KCNQ5: variants seen among roughly 807,000 people sequenced by gnomAD.
KCNQ5 encodes the protein potassium voltage-gated channel subfamily Q member 5.
A neutral mutation model predicts 98.2 loss-of-function variants in KCNQ5; 30 were observed. The ratio of observed to expected loss-of-function variants is 0.31; its 90% confidence interval spans 0.23 to 0.41. The LOEUF is 0.41. KCNQ5 is among the 10% of genes least tolerant of loss of function. The pLI is 1.00. For missense variants in KCNQ5, 835 were observed against 1,182.5 expected (o/e 0.71, Z 4.31); for synonymous variants, 458 against 449.4 (o/e 1.02, Z -0.24).
chr6:72,827,432 A>G (rs1284410560), intron 1 of KCNQ5, among the ~76,000 whole-genome samples: 1 of 152,090 alleles, frequency 6.6e-6, no homozygotes. Flanking sequence ...TAACTGGGGT[A>G]AGAAGATACC....
chr6:73,013,113 AAG>A (rs1380706455), intron 2 of KCNQ5, among the ~76,000 whole-genome samples: 2 of 152,120 alleles, frequency 1.3e-5, no homozygotes, highest in African/African-American at 2.4e-5. Flanking sequence ...GTATCTGTGT[AAG>A]AGTTTTCTCA....
chr6:73,164,683 TGAAA>T (rs1440743334), intron 10 of KCNQ5, among the ~76,000 whole-genome samples: 1 of 152,232 alleles, frequency 6.6e-6, no homozygotes, highest in African/African-American at 2.4e-5. Context: ...AAACATCTGC[TGAAA>T]GAAAGTTTTC....
At chr6:72,658,720 A>G (rs1240597539) in intron 1 of KCNQ5, among the ~76,000 whole-genome samples, 2 of 151,202 alleles carry the variant, frequency 1.3e-5, no homozygotes, top group Admixed American at 6.6e-5. Flanking sequence ...AGCTGGGATT[A>G]TAGGCATGTG....
chr6:72,798,335 C>T (rs1774451350), intron 1 of KCNQ5, among the ~76,000 whole-genome samples: 1 of 152,146 alleles, frequency 6.6e-6, no homozygotes, highest in African/African-American at 2.4e-5. Context: ...ATCCCCAACG[C>T]AACAATGTTG....
intron 1 of KCNQ5, among the ~76,000 whole-genome samples, chr6:72,939,076 T>G (rs950095892): frequency 1.3e-5 from 2 of 152,212 alleles, no homozygotes; most frequent in African/African-American, 4.8e-5. Flanking sequence ...GGCCTTGACA[T>G]GCCTTGTCTG....
At chr6:72,970,468 A>G (rs1396887281) in intron 1 of KCNQ5, among the ~76,000 whole-genome samples, 1 of 152,190 alleles carries the variant, frequency 6.6e-6, no homozygotes, top group East Asian at 1.9e-4. Flanking sequence ...GTAAATAGAA[A>G]AGTGCAATAG....
chr6:72,668,294 A>T (rs1428340914), intron 1 of KCNQ5, among the ~76,000 whole-genome samples: 1 of 152,238 alleles, frequency 6.6e-6, no homozygotes. Flanking sequence ...TTGACTAAAC[A>T]TAATTACTGA....
intron 11 of KCNQ5, among the ~76,000 whole-genome samples, chr6:73,186,674 A>G (rs1243907791): frequency 6.6e-6 from 1 of 152,234 alleles, no homozygotes; most frequent in Non-Finnish European, 1.5e-5. Flanking sequence ...AACATACAGT[A>G]AAATAATTAG....
intron 1 of KCNQ5, among the ~76,000 whole-genome samples, chr6:72,962,236 TACAC>T (rs1355190667): frequency 9.0e-5 from 13 of 143,792 alleles, no homozygotes; most frequent in Non-Finnish European, 1.5e-4. Flanking sequence ...TATATATATA[TACAC>T]ATATATATAT....
At position 73,042,022 on chromosome 6, in the gene KCNQ5, A is replaced by G. The variant is rs2150357635; in HGVS notation, c.576A>G (p.Gln192=). The G allele has an allele frequency of 6.2e-7, 1 of 1,613,970 alleles. No homozygotes were observed. Among genetic ancestry groups the G allele is most frequent in the Non-Finnish European group, 8.5e-7 (1 of 1,179,824 alleles). ...AGCCCRYRGW[Q]GRLRFARKPF... ...GCTGTTGTCGATATAGAGGATGGCA[A>G]GGAAGACTGAGGTTTGCTCGAAAGC... is the stretch of plus-strand genomic sequence containing the variant. The change falls in exon 3 of 14, where the codon CAA becomes CAG. Residue 192 remains glutamine (Q), a synonymous_variant. Transcript: ENST00000370398.
At position 72,878,218 on chromosome 6, in the gene KCNQ5, C is replaced by T. The variant is rs538381669; in HGVS notation, c.399-125690C>T. On this transcript the variant is annotated intron_variant, in intron 1 of 13. Coordinates refer to ENST00000370398, the MANE Select transcript of KCNQ5 (RefSeq NM_019842.4). ...CTGGGAGGCAGAGGTTGCAGTGAGC[C>T]GAGATTGCGCCACTGCACTCCAGCC... Among the ~76,000 whole-genome samples the T allele has an allele frequency of 9.2e-4, 140 of 152,194 alleles. 1 individual carries two copies. Among genetic ancestry groups the T allele is most frequent in the Non-Finnish European group, 7.9e-4 (54 of 67,992 alleles).
At chr6:73,143,053 A>G (rs915980533) in intron 10 of KCNQ5, among the ~76,000 whole-genome samples, 1 of 152,180 alleles carries the variant, frequency 6.6e-6, no homozygotes, top group African/African-American at 2.4e-5. Flanking sequence ...GAGGTTGAAG[A>G]TATGTTCTTG....
intron 1 of KCNQ5, among the ~76,000 whole-genome samples, chr6:72,636,722 G>T (rs573335975): frequency 3.3e-5 from 5 of 152,224 alleles, no homozygotes; most frequent in Admixed American, 3.3e-4. Flanking sequence ...AGGAACTATA[G>T]GGCTTAACAT....
In KCNQ5 at chr6:72,622,456, G is replaced by A. The variant is rs1451065064; in HGVS notation, c.267G>A (p.Leu89=). The change falls in exon 1 of 14, where the codon CTG becomes CTA. Residue 89 remains leucine (L), a synonymous_variant. Coordinates refer to ENST00000370398, the MANE Select transcript of KCNQ5 (RefSeq NM_019842.4). The surrounding 1 kb of genome is among the most constrained non-coding windows in gnomAD (Gnocchi z 6.0). ...GCAAGCAGGGGGCCCGGATGAGCCT[G>A]CTGGGGAAGCCGCTCTCTTACACGA... is the stretch of plus-strand genomic sequence containing the variant. ...RRGKQGARMS[L]LGKPLSYTSS... The A allele has an allele frequency of 6.3e-7, 1 of 1,592,886 alleles. No individual in the cohort carries two copies. Among genetic ancestry groups the A allele is most frequent in the Admixed American group, 1.7e-5 (1 of 57,644 alleles).
intron 1 of KCNQ5, among the ~76,000 whole-genome samples, chr6:72,736,549 G>T (rs1336030806): frequency 7.5e-6 from 1 of 132,460 alleles, no homozygotes; most frequent in Non-Finnish European, 1.5e-5. Context: ...GCCCAGGCTG[G>T]AGTGCAGTGG....
At chr6:72,864,051 C>T (rs1018382259) in intron 1 of KCNQ5, among the ~76,000 whole-genome samples, 1 of 152,092 alleles carries the variant, frequency 6.6e-6, no homozygotes, top group Non-Finnish European at 1.5e-5. Context: ...GCTCAATAAC[C>T]AAATATTGAA....
At chr6:72,947,981 C>A (rs1766625099) in intron 1 of KCNQ5, among the ~76,000 whole-genome samples, 1 of 151,956 alleles carries the variant, frequency 6.6e-6, no homozygotes, top group Admixed American at 6.6e-5. Context: ...TCATGAAATT[C>A]TTAGGGATCC....
intron 1 of KCNQ5, among the ~76,000 whole-genome samples, chr6:72,965,406 A>G (rs961846425): frequency 7.9e-5 from 12 of 152,350 alleles, no homozygotes; most frequent in African/African-American, 2.4e-4. Flanking sequence ...GTATATCCCT[A>G]CGAGCAATGG....
chr6:72,812,708 G>T (rs150265978), intron 1 of KCNQ5, among the ~76,000 whole-genome samples: 3 of 152,104 alleles, frequency 2.0e-5, no homozygotes, highest in East Asian at 1.9e-4. Flanking sequence ...GGCTCCAAAG[G>T]CTAGCTCCAC....
Sources: allele counts gnomAD v4.1 joint callset (sites outside exome capture counted in the v4.1 genomes callset), GRCh38; gene constraint gnomAD v4.1.1; non-coding constraint Gnocchi (gnomAD v3.1); transcripts MANE v1.5; gene names NCBI Gene and HGNC (gene_info 2026-07-23, HGNC 2026-07-21).